Variants in ASB15 observed in about 807,000 individuals in gnomAD.
ASB15 encodes the protein ankyrin repeat and SOCS box containing 15, also known as ankyrin repeat and SOCS box protein 15.
In ASB15, 54 loss-of-function variants were observed where a neutral mutation model predicts 58.0. That is an observed-to-expected ratio of 0.93 (90% CI 0.75 to 1.17). The LOEUF (loss-of-function observed/expected upper bound fraction) is 1.17. Ranked by LOEUF, ASB15 falls within the 50% of genes most tolerant of loss-of-function variation. The pLI is 0.00. For missense variants in ASB15, 680 were observed against 707.4 expected, an observed-to-expected ratio of 0.96 and a Z score of 0.44; for synonymous variants, 249 against 262.4, an observed-to-expected ratio of 0.95 and a Z score of 0.50.
chr7:123,618,629 A>G (rs1167341416), intron 7 of ASB15, among the ~76,000 whole-genome samples: 1 of 152,118 alleles, frequency 6.6e-6, no homozygotes, highest in Non-Finnish European at 1.5e-5. Context: ...GAGGAGCAGG[A>G]GCAGGAGGAG....
At chr7:123,616,553 G>A in intron 6 of ASB15, 58 bp downstream of exon 6, 1 of 1,516,294 alleles carries the variant, frequency 6.6e-7, no homozygotes, top group Non-Finnish European at 9.0e-7. Flanking sequence ...ATATGTTGAT[G>A]TTATAAGTGT....
At chr7:123,598,101 A>G (rs1799757053), upstream of ASB15, among the ~76,000 whole-genome samples, 1 of 152,068 alleles carries the variant, frequency 6.6e-6, no homozygotes, top group African/African-American at 2.4e-5. Context: ...CTAGCCTCAC[A>G]TTATGCATAT....
upstream of ASB15, among the ~76,000 whole-genome samples, chr7:123,600,126 T>TATC (rs758576118): frequency 5.9e-5 from 9 of 152,086 alleles, no homozygotes; most frequent in South Asian, 2.1e-4. Context: ...ATGGTCATTG[T>TATC]ATCATCATCA....
intron 4 of ASB15, among the ~76,000 whole-genome samples, chr7:123,614,855 G>A (rs1800696398): frequency 6.6e-6 from 1 of 152,160 alleles, no homozygotes; most frequent in African/African-American, 2.4e-5. Flanking sequence ...GAATTTGGTT[G>A]TATAGAATTG....
In ASB15 at chr7:123,627,179, C is replaced by A. The variant is rs1584811154; in HGVS notation, c.767C>A (p.Pro256His). The A allele has an allele frequency of 6.2e-7, 1 of 1,613,918 alleles. No homozygotes were observed. The highest frequency in any genetic ancestry group is 1.1e-5 in the South Asian group (1 of 91,074). ...VLFEAAGGGN[P>H]DCISLLLEYG... ...TTTGAGGCAGCAGGAGGTGGCAATC[C>A]CGACTGCATTTCCCTCCTGCTGGAA... Residue 256 changes from proline to histidine, a missense_variant, in exon 9 of 12, where the codon CCC (proline) becomes CAC (histidine). Transcript: ENST00000451215.
chr7:123,633,770 G>A (rs533687118), intron 11 of ASB15, among the ~76,000 whole-genome samples: 1 of 152,298 alleles, frequency 6.6e-6, no homozygotes, highest in African/African-American at 2.4e-5. Flanking sequence ...GTTTTTGCTG[G>A]AGGTTGTTTT....
chr7:123,629,114 G>A lies in ASB15; in HGVS notation c.1120G>A (p.Ala374Thr). The A allele has an allele frequency of 1.2e-6, 2 of 1,614,092 alleles. No homozygotes were observed. Among genetic ancestry groups the A allele is most frequent in the Non-Finnish European group, 8.5e-7 (1 of 1,179,936 alleles). ...CACAGAAGTCCTTCTGGCTGCAGGT[G>A]CAGACCCAAACTTAGATCCCCTCAA... ...HCTEVLLAAG[A>T]DPNLDPLNCL... Residue 374 changes from alanine to threonine, a missense_variant, in exon 10 of 12, where the codon GCA (alanine) becomes ACA (threonine). Coordinates refer to ENST00000451215, the MANE Select transcript of ASB15 (RefSeq NM_001290258.2).
Position 123,637,878 on chromosome 7 carries a change from T to TAAAAAAAAACAAAAAA in ASB15, c.*906_*907insCAAAAAAAAAAAAAAA, listed in dbSNP as rs1802499656. 1 of 52,468 alleles carries TAAAAAAAAACAAAAAA rather than the reference T, an allele frequency of 1.9e-5. No homozygotes were observed. Among genetic ancestry groups the TAAAAAAAAACAAAAAA allele is most frequent in the African/African-American group, 6.4e-5 (1 of 15,620 alleles). The allele number at this position is 52,468 out of a possible 1,614,324, so 3.3% of individuals were successfully genotyped here. ...AAATTCAACATGTCCCCAGATGAAC[T>TAAAAAAAAACAAAAAA]AAAAAAAAAAAAAAAAAAAAAACCT... On this transcript the variant is annotated 3_prime_UTR_variant, in exon 12 of 12. Coordinates refer to ENST00000451215, the MANE Select transcript of ASB15 (RefSeq NM_001290258.2).
At chr7:123,575,763 G>C (rs1042418179) in intron 1 of ASB15, among the ~76,000 whole-genome samples, 7 of 144,784 alleles carry the variant, frequency 4.8e-5, no homozygotes, top group Non-Finnish European at 9.1e-5. Flanking sequence ...TTGTTAGATT[G>C]TTTTTCCCTT....
chr7:123,611,082 CAA>C (rs34527165), intron 3 of ASB15, among the ~76,000 whole-genome samples: 15,826 of 81,738 alleles, frequency 0.19, 719 homozygotes, highest in East Asian at 0.34. Flanking sequence ...AACTCCATCT[CAA>C]AAAAAAAAAA....
upstream of ASB15, among the ~76,000 whole-genome samples, chr7:123,601,122 A>G (rs894553080): frequency 1.3e-5 from 2 of 152,182 alleles, no homozygotes; most frequent in African/African-American, 4.8e-5. Flanking sequence ...GAGTTAATCC[A>G]AGGATAGCTG....
At chr7:123,583,228 AAGATAAATAAAT>A (rs1050758944) in intron 1 of ASB15, among the ~76,000 whole-genome samples, 1 of 151,978 alleles carries the variant, frequency 6.6e-6, no homozygotes, top group Admixed American at 6.6e-5. Context: ...TGTCTCTAAA[AAGATAAATAAAT>A]AGATAAATAA....
At chr7:123,602,714 G>A (rs538451663) in intron 1 of ASB15, among the ~76,000 whole-genome samples, 3 of 152,142 alleles carry the variant, frequency 2.0e-5, no homozygotes, top group African/African-American at 4.8e-5. Flanking sequence ...GGAGTTGTTC[G>A]ATGAATTTGT....
rs955082265 is a variant in ASB15, at chr7:123,638,144, G to A, written c.*1163G>A. On this transcript the variant is annotated 3_prime_UTR_variant, in exon 12 of 12. Transcript: ENST00000451215. ...ACAATGCTGCTTATCTGGCTCCCCTGACTCTGTCTTGCCCTGTCCCAAACA... is the reference window on the plus strand; with the variant it reads ...ACAATGCTGCTTATCTGGCTCCCCTAACTCTGTCTTGCCCTGTCCCAAACA... The A allele has an allele frequency of 2.0e-5, 3 of 151,930 alleles. No homozygotes were observed. The highest frequency in any genetic ancestry group is 4.8e-5 in the African/African-American group (2 of 41,338). The allele number at this position is 151,930 out of a possible 1,614,324, so 9.4% of individuals were successfully genotyped here.
At chr7:123,614,368 C>T (rs1035624972) in intron 3 of ASB15, 133 bp from the exon 4 acceptor site, 12 of 622,260 alleles carry the variant, frequency 1.9e-5, no homozygotes, top group Non-Finnish European at 5.6e-6. Context: ...ATGTTACCCA[C>T]ATTTGTATTT....
At chr7:123,583,769 T>C (rs1460160193) in intron 1 of ASB15, among the ~76,000 whole-genome samples, 7 of 151,816 alleles carry the variant, frequency 4.6e-5, no homozygotes, top group Non-Finnish European at 1.0e-4. Context: ...ATCTTCATAA[T>C]ATACTGAGAA....
At chr7:123,568,392 T>G (rs1214669265) in intron 1 of ASB15, among the ~76,000 whole-genome samples, 1 of 151,322 alleles carries the variant, frequency 6.6e-6, no homozygotes, top group African/African-American at 2.4e-5. Flanking sequence ...TGGTGGCGCA[T>G]GCTTGTAATC....
At chr7:123,571,424 T>C (rs1359145097) in intron 1 of ASB15, among the ~76,000 whole-genome samples, 1 of 152,242 alleles carries the variant, frequency 6.6e-6, no homozygotes, top group Non-Finnish European at 1.5e-5. Context: ...ATTTGGACTT[T>C]CATTTCATTA....
intron 1 of ASB15, among the ~76,000 whole-genome samples, chr7:123,593,478 T>C (rs188530572): frequency 6.6e-6 from 1 of 152,316 alleles, no homozygotes; most frequent in African/African-American, 2.4e-5. Flanking sequence ...TGTGACAAAA[T>C]CTCTCAGCAT....
Sources: gnomAD v4.1 joint callset for allele counts (sites outside exome capture counted in the v4.1 genomes callset) on GRCh38, gnomAD v4.1.1 for gene constraint, MANE v1.5 for transcripts, NCBI Gene and HGNC (gene_info 2026-07-23, HGNC 2026-07-21) for gene names.